The following SMAGP variants were observed in gnomAD, a reference collection of about 807,000 sequenced individuals.
The protein encoded by SMAGP is small cell transmembrane and glycosylated protein.
In SMAGP, 7 loss-of-function variants were observed where a neutral mutation model predicts 10.1. That is an observed-to-expected ratio of 0.70 (90% CI 0.40 to 1.31). The LOEUF is 1.31. Ranked by LOEUF, SMAGP falls within the 50% of genes most tolerant of loss-of-function variation. SMAGP has a pLI of 0.01. For missense variants in SMAGP, 113 were observed against 116.5 expected (o/e 0.97, Z 0.14); for synonymous variants, 49 against 47.2 (o/e 1.04, Z -0.16).
intron 2 of SMAGP, among the ~76,000 whole-genome samples, chr12:51,263,990 T>C (rs1944951315): frequency 6.6e-6 from 1 of 152,024 alleles, no homozygotes; most frequent in Non-Finnish European, 1.5e-5. Flanking sequence ...TTGTAAAATA[T>C]GATTTTTAAT....
At chr12:51,260,361 GTTT>G (rs200895814) in intron 2 of SMAGP, among the ~76,000 whole-genome samples, 69 of 151,604 alleles carry the variant, frequency 4.6e-4, no homozygotes, top group Non-Finnish European at 6.0e-4. Context: ...CCGGCTGATT[GTTT>G]TTTTTGTTGT....
chr12:51,264,649 A>AC (rs1205738638), intron 2 of SMAGP, among the ~76,000 whole-genome samples: 49 of 148,368 alleles, frequency 3.3e-4, no homozygotes, highest in African/African-American at 1.2e-3. Context: ...AAAAAAAAAA[A>AC]GGTCAGGCAC....
chr12:51,264,987 T>A (rs1336641183), intron 2 of SMAGP, among the ~76,000 whole-genome samples: 1 of 149,230 alleles, frequency 6.7e-6, no homozygotes, highest in Non-Finnish European at 1.5e-5. Context: ...ACGATCAATT[T>A]TTTAAAAAAA....
At chr12:51,264,934 GAAA>G (rs757470160) in intron 2 of SMAGP, among the ~76,000 whole-genome samples, 4,167 of 68,596 alleles carry the variant, frequency 0.061, 220 homozygotes, top group African/African-American at 0.19. Flanking sequence ...TCCATCGCCA[GAAA>G]AAAAAAAAAA....
chr12:51,248,569 G>A (rs906927971), intron 2 of SMAGP, among the ~76,000 whole-genome samples: 2 of 151,998 alleles, frequency 1.3e-5, no homozygotes, highest in African/African-American at 4.8e-5. Context: ...CGGGCCTCAG[G>A]AAACAGCATC....
At position 51,245,693 on chromosome 12, in the gene SMAGP, CT is replaced by C; in HGVS notation, c.*247del. ...CAGATGTCCCCTGGCATAGCCACAT[CT>C]TGTTGGCCAGTCACAAACACCAGCT... On this transcript the variant is annotated 3_prime_UTR_variant, in exon 4 of 4. Coordinates refer to ENST00000603798, the MANE Select transcript of SMAGP (RefSeq NM_001031628.2). The C allele has an allele frequency of 2.2e-6, 1 of 458,572 alleles. No homozygotes were observed. Among genetic ancestry groups the C allele is most frequent in the Admixed American group, 3.4e-5 (1 of 29,206 alleles). 28.4% of individuals were successfully genotyped at this position (458,572 alleles called of 1,614,324 possible).
chr12:51,259,284 T>A (rs1189447605), intron 2 of SMAGP, among the ~76,000 whole-genome samples: 4 of 152,218 alleles, frequency 2.6e-5, no homozygotes, highest in Non-Finnish European at 5.9e-5. Context: ...TCGACAATTT[T>A]AAAATTTTTT....
chr12:51,261,346 C>T (rs577405834), intron 2 of SMAGP, among the ~76,000 whole-genome samples: 2 of 151,794 alleles, frequency 1.3e-5, no homozygotes, highest in Admixed American at 6.6e-5. Flanking sequence ...TTGCCCACCT[C>T]GGCCTCCCAA....
At chr12:51,257,990 A>G (rs925634970) in intron 2 of SMAGP, among the ~76,000 whole-genome samples, 3 of 151,986 alleles carry the variant, frequency 2.0e-5, no homozygotes, top group African/African-American at 7.3e-5. Context: ...CCATCTCTAC[A>G]AAAAAAATAA....
At chr12:51,248,399 TACACACACACACACACACAC>T (rs71443213) in intron 2 of SMAGP, among the ~76,000 whole-genome samples, 1 of 132,308 alleles carries the variant, frequency 7.6e-6, no homozygotes, top group Non-Finnish European at 1.6e-5. Flanking sequence ...TGTGGTGTTT[TACACACACACACACACACAC>T]ACACACACAC....
In SMAGP at chr12:51,245,167, C is replaced by G. The variant is rs919627809; in HGVS notation, c.*774G>C. 2 of 152,144 alleles carry G rather than the reference C, an allele frequency of 1.3e-5. No individual in the cohort carries two copies. Among genetic ancestry groups the G allele is most frequent in the Non-Finnish European group, 2.9e-5 (2 of 68,028 alleles). 9.4% of individuals were successfully genotyped at this position (152,144 alleles called of 1,614,324 possible). ...TCTAATGATGTTCCCCTGGAACAAG[C>G]TTTCCTGCACCATCTTTGTCTCAAA... On this transcript the variant is annotated 3_prime_UTR_variant, in exon 4 of 4. Coordinates refer to ENST00000603798, the MANE Select transcript of SMAGP (RefSeq NM_001031628.2).
At chr12:51,247,992 G>A (rs535608408) in intron 2 of SMAGP, among the ~76,000 whole-genome samples, 99 of 152,302 alleles carry the variant, frequency 6.5e-4, no homozygotes, top group African/African-American at 2.2e-3. Context: ...AGAGTTTACC[G>A]GGTAACAGGG....
intron 2 of SMAGP, among the ~76,000 whole-genome samples, chr12:51,260,212 T>C (rs187829539): frequency 0.014 from 1,919 of 140,320 alleles, 42 homozygotes; most frequent in African/African-American, 0.053. Context: ...GTTTCTTTTT[T>C]TTTTTTTTTT....
At chr12:51,247,251 CA>C (rs11331542) in intron 2 of SMAGP, among the ~76,000 whole-genome samples, 119,038 of 152,162 alleles carry the variant, frequency 0.78, 46,651 homozygotes, top group East Asian at 0.89. Flanking sequence ...CATATTTTTA[CA>C]ATAAGTGAGA....
At chr12:51,264,115 T>C (rs894599754) in intron 2 of SMAGP, among the ~76,000 whole-genome samples, 2 of 152,078 alleles carry the variant, frequency 1.3e-5, no homozygotes, top group Admixed American at 6.6e-5. Flanking sequence ...GAAGTCTTTA[T>C]AGACTGTGAG....
At chr12:51,252,884 G>A (rs1463849087) in intron 2 of SMAGP, among the ~76,000 whole-genome samples, 1 of 152,048 alleles carries the variant, frequency 6.6e-6, no homozygotes, top group Non-Finnish European at 1.5e-5. Context: ...TGGGGGAAGT[G>A]AGCTCAAGAG....
At position 51,249,077 on chromosome 12, in the gene SMAGP, C is replaced by CCAAAAA. The variant is rs542816566; in HGVS notation, c.35-2252_35-2247dup. On this transcript the variant is annotated intron_variant, in intron 2 of 3. Coordinates refer to ENST00000603798, the MANE Select transcript of SMAGP (RefSeq NM_001031628.2). The stretch of plus-strand genomic sequence containing the variant: ...CCTGGGGGATAGAATGAGACCCCAT[C>CCAAAAA]CAAAAACAAAAACAAAAACAAAACC... Among the ~76,000 whole-genome samples the CCAAAAA allele has an allele frequency of 1.3e-5, 2 of 151,950 alleles. 1 individual carries two copies. Among genetic ancestry groups the CCAAAAA allele is most frequent in the South Asian group, 4.1e-4 (2 of 4,826 alleles).
chr12:51,257,924 A>T (rs564942405), intron 2 of SMAGP, among the ~76,000 whole-genome samples: 111 of 152,256 alleles, frequency 7.3e-4, no homozygotes, highest in African/African-American at 2.6e-3. Context: ...CCAATGTGGG[A>T]GGATCGCTTG....
chr12:51,263,020 T>A (rs1944943001), intron 2 of SMAGP, among the ~76,000 whole-genome samples: 1 of 152,220 alleles, frequency 6.6e-6, no homozygotes, highest in Non-Finnish European at 1.5e-5. Context: ...GAACACAGGC[T>A]TGCAGTAAAT....
Sources: allele counts gnomAD v4.1 joint callset (sites outside exome capture counted in the v4.1 genomes callset), GRCh38; gene constraint gnomAD v4.1.1; transcripts MANE v1.5; gene names NCBI Gene and HGNC (gene_info 2026-07-23, HGNC 2026-07-21).